The following WDR19 variants were observed in gnomAD, a reference collection of about 807,000 sequenced individuals.
The protein encoded by WDR19 is WD repeat domain 19.
Under a neutral mutation model 180.0 loss-of-function variants are expected in WDR19, and 121 were observed. That is an observed-to-expected ratio of 0.67 (90% CI 0.58 to 0.78). The LOEUF (loss-of-function observed/expected upper bound fraction) is 0.78. Among genes scored for constraint, WDR19 ranks in the 30% least tolerant of loss-of-function variants. WDR19 has a pLI of 0.00. For missense variants in WDR19, 1,450 were observed against 1,640.7 expected, an observed-to-expected ratio of 0.88 and a Z score of 2.01; for synonymous variants, 497 against 540.7, an observed-to-expected ratio of 0.92 and a Z score of 1.12.
intron 17 of WDR19, among the ~76,000 whole-genome samples, chr4:39,231,529 A>G (rs1423606450): frequency 6.6e-6 from 1 of 152,236 alleles, no homozygotes; most frequent in Non-Finnish European, 1.5e-5. Flanking sequence ...ATAAAAAGAA[A>G]TAAATGAATA....
intron 32 of WDR19, 57 bp downstream of exon 32, chr4:39,273,118 GC>G: frequency 7.4e-7 from 1 of 1,357,198 alleles, no homozygotes; most frequent in Non-Finnish European, 1.0e-6. Context: ...CCGCATGCTA[GC>G]CCAGCGCCCC....
intron 4 of WDR19, among the ~76,000 whole-genome samples, chr4:39,191,822 G>A (rs1726177015): frequency 6.6e-6 from 1 of 152,094 alleles, no homozygotes; most frequent in Admixed American, 6.6e-5. Context: ...TTAAGCCCAT[G>A]CCTTATACAT....
intron 1 of WDR19, among the ~76,000 whole-genome samples, chr4:39,184,485 G>A (rs1257779336): frequency 2.6e-5 from 4 of 151,922 alleles, no homozygotes; most frequent in African/African-American, 9.7e-5. Flanking sequence ...TATTTATTTT[G>A]AGACGAAGTC....
In WDR19 at chr4:39,253,134, AT is replaced by A. The variant is rs756429071; in HGVS notation, c.2730-5del. The A allele has an allele frequency of 1.8e-5, 28 of 1,566,414 alleles. No homozygotes were observed. The highest frequency in any genetic ancestry group is 2.3e-5 in the East Asian group (1 of 43,174). On this transcript the variant is annotated splice_polypyrimidine_tract_variant and intron_variant, in intron 24 of 36. Coordinates refer to ENST00000399820, the MANE Select transcript of WDR19 (RefSeq NM_025132.4). ...GTGTTAAAAAAAGTTTATCTGAGCT[AT>A]TTTTTTACAGATACAAAGAAGCTGT...
At position 39,225,721 on chromosome 4, in the gene WDR19, A is replaced by G. The variant is rs115700033; in HGVS notation, c.1629+688A>G. Among the ~76,000 whole-genome samples, 1,259 of 152,096 alleles carry G rather than the reference A, an allele frequency of 8.3e-3. 26 individuals are homozygous for G. The highest frequency in any genetic ancestry group is 0.029 in the African/African-American group (1,185 of 41,478). ...TAGGTCTCACTGTGTTGTCTCCCCA[A>G]TGTAAACAGCCTGCTCCTCACTGCT... On this transcript the variant is annotated intron_variant, in intron 15 of 36. Transcript: ENST00000399820.
At chr4:39,186,306 G>T (rs534270828) in intron 2 of WDR19, among the ~76,000 whole-genome samples, 1 of 151,400 alleles carries the variant, frequency 6.6e-6, no homozygotes, top group Non-Finnish European at 1.5e-5. Context: ...ATGGTGAAAC[G>T]CCATCTCTAC....
chr4:39,282,590 G>GT (rs1311338323), intron 36 of WDR19, among the ~76,000 whole-genome samples: 2 of 152,050 alleles, frequency 1.3e-5, no homozygotes, highest in Non-Finnish European at 2.9e-5. Flanking sequence ...TAGAGATGGG[G>GT]TTTCACCATG....
At chr4:39,282,418 A>G (rs1736634053) in intron 36 of WDR19, among the ~76,000 whole-genome samples, 1 of 152,020 alleles carries the variant, frequency 6.6e-6, no homozygotes, top group African/African-American at 2.4e-5. Context: ...TGTTTTTGAG[A>G]TGGAGTTTCA....
intron 31 of WDR19, among the ~76,000 whole-genome samples, chr4:39,272,478 T>G (rs559139995): frequency 9.8e-4 from 149 of 152,348 alleles, no homozygotes; most frequent in African/African-American, 3.4e-3. Flanking sequence ...CTTCATGTCC[T>G]GGCCCCTGCT....
At chr4:39,254,693 C>T (rs1474220599) in intron 26 of WDR19, among the ~76,000 whole-genome samples, 2 of 152,016 alleles carry the variant, frequency 1.3e-5, no homozygotes, top group South Asian at 2.1e-4. Context: ...CATTCATTCA[C>T]GTTGTTATGC....
At chr4:39,185,440 T>C (rs1644656395) in intron 1 of WDR19, among the ~76,000 whole-genome samples, 1 of 152,198 alleles carries the variant, frequency 6.6e-6, no homozygotes, top group African/African-American at 2.4e-5. Flanking sequence ...AATTACATAT[T>C]TTTGTAAAAT....
Position 39,241,806 on chromosome 4 carries a change from A to G in WDR19, c.2421+1472A>G, listed in dbSNP as rs566873282. On this transcript the variant is annotated intron_variant, in intron 21 of 36. Coordinates refer to ENST00000399820, the MANE Select transcript of WDR19 (RefSeq NM_025132.4). ...GGGAAACTCTGTCTCAAAAAAAAAA[A>G]AAAGAAAGAAAGAAAGAAAAGTGAG... Among the ~76,000 whole-genome samples, 49 of 151,588 alleles carry G rather than the reference A, an allele frequency of 3.2e-4. 1 individual carries two copies. In the South Asian group the frequency reaches 3.5e-3, roughly 11 times the overall value.
intron 36 of WDR19, 48 bp from the exon 37 acceptor site, chr4:39,285,439 A>G (rs1387358512): frequency 6.6e-6 from 1 of 152,212 alleles, no homozygotes; most frequent in East Asian, 1.9e-4. Flanking sequence ...AATGCCAGCC[A>G]TTACTTGAAA....
chr4:39,240,036 G>T (rs777989858), intron 20 of WDR19, among the ~76,000 whole-genome samples: 2 of 151,950 alleles, frequency 1.3e-5, no homozygotes, highest in Non-Finnish European at 2.9e-5. Flanking sequence ...AATTTGCAAG[G>T]CATGGTGGCG....
At chr4:39,264,545 C>G (rs1245363055) in intron 28 of WDR19, among the ~76,000 whole-genome samples, 1 of 152,206 alleles carries the variant, frequency 6.6e-6, no homozygotes. Context: ...AGACAGATAA[C>G]TTGCAGACTT....
intron 36 of WDR19, among the ~76,000 whole-genome samples, chr4:39,282,650 G>A (rs1418987052): frequency 2.0e-5 from 3 of 152,084 alleles, no homozygotes; most frequent in Non-Finnish European, 2.9e-5. Context: ...CACCCACCTC[G>A]GCCTCCCAAA....
chr4:39,215,603 C>G lies in WDR19; in HGVS notation c.962-238C>G, dbSNP rs138575681. Among the ~76,000 whole-genome samples, 162 of 152,124 alleles carry G rather than the reference C, an allele frequency of 1.1e-3. 1 individual carries two copies. Among genetic ancestry groups the G allele is most frequent in the African/African-American group, 3.8e-3 (159 of 41,504 alleles). On this transcript the variant is annotated intron_variant, in intron 10 of 36. Coordinates refer to ENST00000399820, the MANE Select transcript of WDR19 (RefSeq NM_025132.4). ...AATGACAGATTTCTCAGAACATAGC[C>G]CTGTTGTTAAGTGACACATAACTGT...
chr4:39,279,672 T>C (rs1736263707), intron 36 of WDR19, among the ~76,000 whole-genome samples: 1 of 147,116 alleles, frequency 6.8e-6, no homozygotes, highest in South Asian at 2.1e-4. Flanking sequence ...CCATTCCACA[T>C]CCCTGCCAAC....
intron 33 of WDR19, among the ~76,000 whole-genome samples, chr4:39,275,755 G>A (rs1419716544): frequency 1.3e-5 from 2 of 152,192 alleles, no homozygotes; most frequent in East Asian, 3.9e-4. Flanking sequence ...TGTTGGCAAG[G>A]AGATGGAGAG....
Sources: gnomAD v4.1 joint callset for allele counts (sites outside exome capture counted in the v4.1 genomes callset) on GRCh38, gnomAD v4.1.1 for gene constraint, MANE v1.5 for transcripts, NCBI Gene and HGNC (gene_info 2026-07-23, HGNC 2026-07-21) for gene names.